Variants in FOXN3 observed in about 807,000 individuals in gnomAD.
FOXN3 encodes the protein forkhead box N3, also known as forkhead box protein N3.
In FOXN3, 7 loss-of-function variants were observed where a neutral mutation model predicts 38.4. The ratio of observed to expected loss-of-function variants is 0.18; its 90% confidence interval spans 0.10 to 0.34. The LOEUF is 0.34. Among genes scored for constraint, FOXN3 ranks in the 10% least tolerant of loss-of-function variants. FOXN3 has a pLI of 1.00. For synonymous variants in FOXN3, 230 were observed against 242.2 expected, an observed-to-expected ratio of 0.95 and a Z score of 0.47; for missense variants, 456 against 613.4, an observed-to-expected ratio of 0.74 and a Z score of 2.71.
At chr14:89,266,710 T>C (rs1255627146) in intron 4 of FOXN3, among the ~76,000 whole-genome samples, 1 of 152,086 alleles carries the variant, frequency 6.6e-6, no homozygotes, top group Non-Finnish European at 1.5e-5. Flanking sequence ...TGAGCTCAGA[T>C]CCTGGGGGAA....
At chr14:89,606,934 G>T (rs1305906902) in intron 1 of FOXN3, among the ~76,000 whole-genome samples, 2 of 152,144 alleles carry the variant, frequency 1.3e-5, no homozygotes, top group Non-Finnish European at 2.9e-5. Flanking sequence ...ACTCAAGACT[G>T]AAATATAACA....
intron 4 of FOXN3, among the ~76,000 whole-genome samples, chr14:89,214,306 G>T (rs1300615367): frequency 6.6e-6 from 1 of 152,200 alleles, no homozygotes; most frequent in Non-Finnish European, 1.5e-5. Flanking sequence ...GTTTGTACGT[G>T]CAAGTCCCTA....
intron 3 of FOXN3, among the ~76,000 whole-genome samples, chr14:89,349,341 G>A (rs969141184): frequency 2.6e-5 from 4 of 152,136 alleles, no homozygotes; most frequent in Non-Finnish European, 4.4e-5. Flanking sequence ...TTGTCATTTC[G>A]AATAAAGTAT....
intron 1 of FOXN3, among the ~76,000 whole-genome samples, chr14:89,413,517 C>A (rs950896886): frequency 4.6e-5 from 7 of 151,908 alleles, no homozygotes; most frequent in Admixed American, 4.6e-4. Flanking sequence ...GCCTGTAGTC[C>A]CAGCTACTTG....
rs533857726 is a variant in FOXN3, at chr14:89,162,741, CCCCTCGCTG to C, written c.1071_1079del (p.Glu359_Ser361del). 1.7e-3 allele frequency: 2,822 copies of C among 1,613,490 alleles called. 5 individuals are homozygous for C. The highest frequency in any genetic ancestry group is 2.2e-3 in the Non-Finnish European group (2,645 of 1,179,634). Reference sequence around the variant, plus strand: ...TGGGGCTCTCGTGGCTCCGGAAGCTCCCCTCGCTGCCCTCGCTGCCCTCCTGGCTCCCCT... The same window carrying C: ...TGGGGCTCTCGTGGCTCCGGAAGCTCCCCTCGCTGCCCTCCTGGCTCCCCT... On this transcript the variant is annotated inframe_deletion, in exon 6 of 6. Transcript: ENST00000557258. This position sits in a 1 kb window ranked among gnomAD's most constrained non-coding sequence, Gnocchi z 7.2.
intron 1 of FOXN3, among the ~76,000 whole-genome samples, chr14:89,615,212 A>C (rs1896473539): frequency 6.6e-6 from 1 of 150,794 alleles, no homozygotes; most frequent in South Asian, 2.1e-4. Context: ...GAGAAGAATG[A>C]AGCTGCCTCT....
chr14:89,243,063 C>T (rs192532859), intron 4 of FOXN3, among the ~76,000 whole-genome samples: 1 of 152,264 alleles, frequency 6.6e-6, no homozygotes, highest in East Asian at 1.9e-4. Context: ...AAGCCAGAGC[C>T]TGGTGGAATA....
intron 1 of FOXN3, among the ~76,000 whole-genome samples, chr14:89,609,778 GT>G (rs904444421): frequency 3.9e-5 from 6 of 151,948 alleles, no homozygotes; most frequent in African/African-American, 1.5e-4. Flanking sequence ...GTCACTCGTA[GT>G]TTTTTTTGGA....
intron 1 of FOXN3, among the ~76,000 whole-genome samples, chr14:89,605,234 G>T (rs1896246500): frequency 6.6e-6 from 1 of 152,110 alleles, no homozygotes. Flanking sequence ...AATTGGTAGA[G>T]CAGTGATTGG....
At chr14:89,255,417 T>C (rs1885585902) in intron 4 of FOXN3, among the ~76,000 whole-genome samples, 1 of 152,020 alleles carries the variant, frequency 6.6e-6, no homozygotes. Context: ...CACTCATTCA[T>C]TCAACAAGCA....
intron 3 of FOXN3, among the ~76,000 whole-genome samples, chr14:89,337,011 C>T (rs909672528): frequency 6.6e-6 from 1 of 152,080 alleles, no homozygotes; most frequent in African/African-American, 2.4e-5. Context: ...ATTGGAGTCA[C>T]CGTATGTCCA....
At chr14:89,359,272 G>A (rs992975644) in intron 2 of FOXN3, among the ~76,000 whole-genome samples, 2 of 151,490 alleles carry the variant, frequency 1.3e-5, no homozygotes, top group Non-Finnish European at 2.9e-5. Context: ...CTCCAGCCTG[G>A]GCAACAGAGC....
intron 2 of FOXN3, among the ~76,000 whole-genome samples, chr14:89,360,786 T>TCCACCACCACCACCTCCAGCACCACCA: frequency 6.8e-5 from 1 of 14,630 alleles, no homozygotes. Flanking sequence ...CACCACCACC[T>TCCACCACCACCACCTCCAGCACCACCA]CCACCACCAC....
chr14:89,291,107 CCT>C, intron 3 of FOXN3: 2 of 513,450 alleles, frequency 3.9e-6, no homozygotes, highest in Non-Finnish European at 7.8e-6. Flanking sequence ...CCTTTAAGAC[CCT>C]GTTAGTGTAA....
rs149532498 is a variant in FOXN3 at position 89,467,143 on chromosome 14, C to A, written c.-14-54653G>T. ...AGCTGCACATCACACCCCCTTCTCA[C>A]GGTGGCTCTCCACCCAGACTCAGAC... On this transcript the variant is annotated intron_variant, in intron 1 of 6. Transcript: ENST00000345097. Among the ~76,000 whole-genome samples, 7 of 152,188 alleles carry A rather than the reference C, an allele frequency of 4.6e-5. 1 individual carries two copies. The highest frequency in any genetic ancestry group is 1.0e-4 in the Non-Finnish European group (7 of 68,034).
At chr14:89,457,291 G>A (rs150913136) in intron 1 of FOXN3, among the ~76,000 whole-genome samples, 1 of 152,322 alleles carries the variant, frequency 6.6e-6, no homozygotes, top group East Asian at 1.9e-4. Context: ...CAGCCAAGGA[G>A]AACAAGCAGG....
At chr14:89,283,295 G>A (rs1302449319) in intron 3 of FOXN3, among the ~76,000 whole-genome samples, 1 of 152,158 alleles carries the variant, frequency 6.6e-6, no homozygotes, top group Non-Finnish European at 1.5e-5. Context: ...TGACCTCTAA[G>A]AACCTGCTGT....
chr14:89,190,251 C>T, intron 4 of FOXN3: 2 of 643,170 alleles, frequency 3.1e-6, no homozygotes, highest in Non-Finnish European at 5.4e-6. Context: ...TAATCATGCA[C>T]TTATGTAGCT....
At chr14:89,263,055 T>C (rs752882097) in intron 4 of FOXN3, among the ~76,000 whole-genome samples, 33 of 152,184 alleles carry the variant, frequency 2.2e-4, no homozygotes, top group Admixed American at 3.3e-4. Context: ...ATCTCCAAAG[T>C]TTTCAAGCAC....
Sources: gnomAD v4.1 joint callset for allele counts (sites outside exome capture counted in the v4.1 genomes callset) on GRCh38, gnomAD v4.1.1 for gene constraint, Gnocchi (gnomAD v3.1) non-coding constraint, MANE v1.5 for transcripts, NCBI Gene and HGNC (gene_info 2026-07-23, HGNC 2026-07-21) for gene names.